GAREM1: variants seen among roughly 807,000 people sequenced by gnomAD.
GAREM1 encodes GRB2 associated regulator of MAPK1 subtype 1.
A neutral mutation model predicts 71.3 loss-of-function variants in GAREM1; 26 were observed. The ratio of observed to expected loss-of-function variants is 0.36; its 90% CI spans 0.27 to 0.51. GAREM1 has a LOEUF of 0.51. Among genes scored for constraint, GAREM1 ranks in the 20% least tolerant of loss-of-function variants. The pLI is 0.95. For missense variants in GAREM1, 1,026 were observed against 1,103.1 expected (o/e 0.93, Z 0.99); for synonymous variants, 440 against 433.2 (o/e 1.02, Z -0.20).
chr18:32,338,126 ATGG>A (rs1472920460), intron 2 of GAREM1, among the ~76,000 whole-genome samples: 4 of 152,232 alleles, frequency 2.6e-5, no homozygotes, highest in African/African-American at 9.6e-5. Context: ...GGAGGAAGGA[ATGG>A]ACTGCAAACT....
chr18:32,342,918 A>C (rs2047660952), intron 2 of GAREM1, among the ~76,000 whole-genome samples: 1 of 152,198 alleles, frequency 6.6e-6, no homozygotes, highest in African/African-American at 2.4e-5. Flanking sequence ...CTTCTTTTGT[A>C]CTAAACAATT....
intron 1 of GAREM1, among the ~76,000 whole-genome samples, chr18:32,394,507 G>A (rs1184013379): frequency 6.6e-6 from 1 of 152,178 alleles, no homozygotes; most frequent in Admixed American, 6.5e-5. Flanking sequence ...AGGGGACAGG[G>A]AGAGAAAAAT....
intron 2 of GAREM1, among the ~76,000 whole-genome samples, chr18:32,316,012 T>C (rs1030493831): frequency 1.3e-4 from 20 of 152,178 alleles, no homozygotes; most frequent in African/African-American, 4.8e-4. Flanking sequence ...GCCTCAAACA[T>C]ATTTTGGCAT....
rs143497320 is a variant in GAREM1, at chr18:32,459,759, A to T, written c.121+10549T>A. On this transcript the variant is annotated intron_variant, in intron 1 of 5. Transcript: ENST00000269209. ...ACTGGGGACCAGAAATGACAATGTT[A>T]GTTTTTTTATTCAAACCAACCCTTA... 5.0e-3 allele frequency among the ~76,000 whole-genome samples: 766 copies of T among 152,226 alleles called. 4 individuals carry two copies. The highest frequency in any genetic ancestry group is 0.01 in the Middle Eastern group (3 of 294).
intron 2 of GAREM1, among the ~76,000 whole-genome samples, chr18:32,352,938 A>G (rs2047766178): frequency 6.6e-6 from 1 of 152,202 alleles, no homozygotes; most frequent in African/African-American, 2.4e-5. Context: ...AACAGATAAC[A>G]CAACAGACAT....
chr18:32,459,280 T>TA (rs1455651166), intron 1 of GAREM1, among the ~76,000 whole-genome samples: 1 of 152,100 alleles, frequency 6.6e-6, no homozygotes, highest in Non-Finnish European at 1.5e-5. Context: ...AGACTACTGC[T>TA]ATATGAAAGC....
chr18:32,339,050 A>T (rs535082485), intron 2 of GAREM1, among the ~76,000 whole-genome samples: 1 of 152,174 alleles, frequency 6.6e-6, no homozygotes. Context: ...TCTATCCAGC[A>T]CTTTGGACTT....
intron 2 of GAREM1, among the ~76,000 whole-genome samples, chr18:32,317,615 AAC>A (rs997015468): frequency 3.9e-5 from 6 of 152,168 alleles, no homozygotes; most frequent in African/African-American, 1.4e-4. Flanking sequence ...TAATGTAAAT[AAC>A]CAGCAAACAT....
chr18:32,411,701 GTAAC>G (rs200887707), intron 1 of GAREM1, among the ~76,000 whole-genome samples: 1,700 of 152,074 alleles, frequency 0.011, 24 homozygotes, highest in African/African-American at 0.039. Flanking sequence ...GGTCACAACA[GTAAC>G]TATCAGTTCA....
Position 32,270,326 on chromosome 18 carries a change from G to C in GAREM1, c.1624C>G (p.Pro542Ala), listed in dbSNP as rs1232133701. Residue 542 changes from proline (P) to alanine (A), a missense_variant, in exon 5 of 6, where the codon CCT becomes GCT. Around this residue, in one of 3 missense-constraint regions of GAREM1, gnomAD observed 636 missense variants for 631.2 expected, o/e 1.01. Coordinates refer to ENST00000269209, the MANE Select transcript of GAREM1 (RefSeq NM_001242409.2). ...GGGATGGAGGGACTGGTGGACAAAG[G>C]CTTTGCGCTTCGGGGTGGAACAGGT... ...APPVPPRSAK[P>A]LSTSPSIPPR... 6.2e-7 allele frequency: 1 copy of C among 1,613,926 alleles called. No individual in the cohort carries two copies. The highest frequency in any genetic ancestry group is 8.5e-7 in the Non-Finnish European group (1 of 1,180,002).
chr18:32,428,846 C>A (rs114511081), intron 1 of GAREM1, among the ~76,000 whole-genome samples: 1 of 152,086 alleles, frequency 6.6e-6, no homozygotes. Context: ...TCCATCTTTT[C>A]GGTTCCTTGT....
Position 32,264,583 on chromosome 18 carries a change from T to C in GAREM1, c.*3288A>G, listed in dbSNP as rs1193868963. 1 of 152,224 alleles carries C rather than the reference T, an allele frequency of 6.6e-6. No homozygotes were observed. The highest frequency in any genetic ancestry group is 2.4e-5 in the African/African-American group (1 of 41,454). 9.4% of individuals were successfully genotyped at this position (152,224 alleles called of 1,614,324 possible). ...TAATATTTCCCATAAGATTGTTGTA[T>C]TTCGACATGAGACAAGAATAAACAC... On this transcript the variant is annotated 3_prime_UTR_variant, in exon 6 of 6. Transcript: ENST00000269209.
chr18:32,348,895 AT>A (rs1254917123), intron 2 of GAREM1, among the ~76,000 whole-genome samples: 26 of 152,172 alleles, frequency 1.7e-4, no homozygotes, highest in African/African-American at 6.0e-4. Context: ...TGCAACTACT[AT>A]AATAAATCCA....
chr18:32,304,916 AG>A (rs1440900021), intron 3 of GAREM1, among the ~76,000 whole-genome samples: 1 of 152,128 alleles, frequency 6.6e-6, no homozygotes, highest in Non-Finnish European at 1.5e-5. Context: ...TTTTAAAAGG[AG>A]GGGTATGGGC....
At position 32,446,721 on chromosome 18, in the gene GAREM1, A is replaced by G. The variant is rs1412465153; in HGVS notation, c.121+23587T>C. ...ATTTTGTTCTAATTGTGAGTTCATC[A>G]ATATGTCTTGTATGAGGCTTCCTGA... On this transcript the variant is annotated intron_variant, in intron 1 of 5. Coordinates refer to ENST00000269209, the MANE Select transcript of GAREM1 (RefSeq NM_001242409.2). Among the ~76,000 whole-genome samples the G allele has an allele frequency of 3.3e-5, 5 of 152,182 alleles. No homozygotes were observed. In the East Asian group the frequency reaches 9.6e-4, roughly 29 times the overall value.
rs910738504 is a variant in GAREM1 at position 32,417,142 on chromosome 18, G to A, written c.122-24107C>T. Reference sequence around the variant, plus strand: ...AAGTGCTCAACATCACTGATCATCAGAGAAATGCAAATCAAAACTACAATG... The same window carrying A: ...AAGTGCTCAACATCACTGATCATCAAAGAAATGCAAATCAAAACTACAATG... On this transcript the variant is annotated intron_variant, in intron 1 of 5. Coordinates refer to ENST00000269209, the MANE Select transcript of GAREM1 (RefSeq NM_001242409.2). Among the ~76,000 whole-genome samples the A allele has an allele frequency of 2.0e-5, 3 of 152,174 alleles. No homozygotes were observed. The South Asian group carries it at 6.2e-4, about 31-fold the overall frequency.
intron 1 of GAREM1, among the ~76,000 whole-genome samples, chr18:32,401,696 G>A (rs1339119599): frequency 1.3e-5 from 2 of 152,212 alleles, no homozygotes; most frequent in Admixed American, 1.3e-4. Context: ...CCAGAGCCAT[G>A]GGGCGTATGC....
chr18:32,428,765 C>T (rs2048597679), intron 1 of GAREM1, among the ~76,000 whole-genome samples: 1 of 152,188 alleles, frequency 6.6e-6, no homozygotes, highest in Non-Finnish European at 1.5e-5. Context: ...CCAGACACAA[C>T]ATTTAATACT....
rs146310451 is a variant in GAREM1 at position 32,267,929 on chromosome 18, C to T, written c.2573G>A (p.Ser858Asn). The change falls in exon 6 of 6, where the codon AGC becomes AAC. Residue 858 changes from serine (S) to asparagine (N), a missense_variant. Around this residue, in one of 3 missense-constraint regions of GAREM1, gnomAD observed 636 missense variants for 631.2 expected, o/e 1.01. Transcript: ENST00000269209. ...EEILSEDFKLSKLQVKKIMQF... is the reference protein window; with the variant it reads ...EEILSEDFKLNKLQVKKIMQF... ...CATTATCTTCTTCACCTGCAATTTG[C>T]TCAATTTGAAATCCTCTGAGAGGAT... 1 of 1,613,852 alleles carries T rather than the reference C, an allele frequency of 6.2e-7. No homozygotes were observed. Among genetic ancestry groups the T allele is most frequent in the Non-Finnish European group, 8.5e-7 (1 of 1,179,952 alleles).
Sources: allele counts gnomAD v4.1 joint callset (sites outside exome capture counted in the v4.1 genomes callset), GRCh38; gene constraint gnomAD v4.1.1; regional missense constraint gnomAD v4.1.1; transcripts MANE v1.5; gene names NCBI Gene and HGNC (gene_info 2026-07-23, HGNC 2026-07-21).